ZG16B: variants seen among roughly 807,000 people sequenced by gnomAD.
ZG16B encodes pancreatic adenocarcinoma up-regulated factor.
ZG16B carries 8 observed loss-of-function variants against 7.0 expected under a neutral mutation model. The observed-to-expected ratio is 1.15, with a 90% CI of 0.68 to 2.08. ZG16B has a LOEUF of 2.08. ZG16B is among the 30% of genes most tolerant of loss of function. The pLI is 0.00. For synonymous variants in ZG16B, 92 were observed against 86.1 expected (o/e 1.07, Z -0.38); for missense variants, 232 against 211.0 (o/e 1.10, Z -0.62).
rs752826432 is a variant in ZG16B, at chr16:2,831,865, C to T, written c.225C>T (p.Val75=). The change falls in exon 4 of 4, where the codon GTC becomes GTT. Residue 75 remains valine (V), a synonymous_variant. Transcript: ENST00000382280. ...LGALGGNTQE[V]TLQPGEYITK... ...CCTTAGGTGGGAATACCCAGGAAGT[C>T]ACCCTGCAGCCAGGCGAATACATCA... The T allele has an allele frequency of 3.1e-6, 5 of 1,614,132 alleles. No homozygotes were observed. Among genetic ancestry groups the T allele is most frequent in the Non-Finnish European group, 3.4e-6 (4 of 1,180,024 alleles).
chr16:2,830,767 G>A lies in ZG16B; in HGVS notation c.126G>A (p.Arg42=). The change falls in exon 3 of 4, where the codon CGG becomes CGA. Residue 42 remains arginine, a synonymous_variant. Transcript: ENST00000382280. ...ACGACCATGAAATCACAGGGCTGCGGGTGTCTGTAGGTCTTCTCCTGGTGA... is the reference window on the plus strand; with the variant it reads ...ACGACCATGAAATCACAGGGCTGCGAGTGTCTGTAGGTCTTCTCCTGGTGA... ...EDYDHEITGL[R]VSVGLLLVKS... 2 of 1,614,138 alleles carry A rather than the reference G, an allele frequency of 1.2e-6. No homozygotes were observed. The highest frequency in any genetic ancestry group is 1.7e-6 in the Non-Finnish European group (2 of 1,180,024).
At chr16:2,830,910 T>A in intron 3 of ZG16B, 114 bp downstream of exon 3, 1 of 1,032,162 alleles carries the variant, frequency 9.7e-7, no homozygotes, top group Non-Finnish European at 1.5e-6. Context: ...CATGCCTGGC[T>A]ACTGTCGATG....
In ZG16B at chr16:2,830,338, T is replaced by C. The variant is rs767676321; in HGVS notation, c.-28+10T>C. ...CCCAGTCACAGGCGAGGTAAGGTGC[T>C]TGGCTCCATGGGTGGGGCCCGGCAA... On this transcript the variant is annotated intron_variant, in intron 1 of 3. Transcript: ENST00000382280. The C allele has an allele frequency of 2.5e-6, 4 of 1,612,698 alleles. No individual in the cohort carries two copies. The East Asian group carries it at 8.9e-5, about 36-fold the overall frequency.
rs2069249962 is a variant in ZG16B at position 2,830,764 on chromosome 16, G to A, written c.123G>A (p.Leu41=). The change falls in exon 3 of 4, where the codon CTG becomes CTA. Residue 41 remains leucine (L), a synonymous_variant. Transcript: ENST00000382280. ...TEDYDHEITG[L]RVSVGLLLVK... ...ACTACGACCATGAAATCACAGGGCT[G>A]CGGGTGTCTGTAGGTCTTCTCCTGG... 6.2e-7 allele frequency: 1 copy of A among 1,614,066 alleles called. No homozygotes were observed. Among genetic ancestry groups the A allele is most frequent in the African/African-American group, 1.3e-5 (1 of 74,918 alleles).
rs1337100734 is a variant in ZG16B at position 2,831,867 on chromosome 16, C to A, written c.227C>A (p.Thr76Asn). The change falls in exon 4 of 4, where the codon ACC becomes AAC. Residue 76 changes from threonine to asparagine, a missense_variant. Coordinates refer to ENST00000382280, the MANE Select transcript of ZG16B (RefSeq NM_145252.3). ...GALGGNTQEVTLQPGEYITKV... is the reference protein window; with the variant it reads ...GALGGNTQEVNLQPGEYITKV... ...TTAGGTGGGAATACCCAGGAAGTCA[C>A]CCTGCAGCCAGGCGAATACATCACA... 1.2e-6 allele frequency: 2 copies of A among 1,614,138 alleles called. No individual in the cohort carries two copies. Among genetic ancestry groups the A allele is most frequent in the South Asian group, 2.2e-5 (2 of 91,080 alleles).
chr16:2,830,656 T>G (rs1032514548), intron 2 of ZG16B, 38 bp from the exon 3 acceptor site: 6 of 1,612,592 alleles, frequency 3.7e-6, no homozygotes, highest in Admixed American at 1.7e-5. Context: ...TATCACCGCA[T>G]GGGGATTTTC....
intron 3 of ZG16B, 96 bp from the exon 4 acceptor site, chr16:2,831,698 ACT>A: frequency 2.0e-6 from 3 of 1,506,582 alleles, no homozygotes; most frequent in East Asian, 2.3e-5. Context: ...ATGGTGCTGG[ACT>A]CTCTGCATCC....
chr16:2,830,992 C>T lies in ZG16B; in HGVS notation c.155+196C>T. On this transcript the variant is annotated intron_variant, in intron 3 of 3. Transcript: ENST00000382280. ...GACCGTCCTCCCTACCTTCTCCCTT[C>T]AACCCAAGCTCAACTCAACCAAAAA... The T allele has an allele frequency of 5.2e-6, 3 of 574,968 alleles. No homozygotes were observed. The South Asian group carries it at 6.1e-5, about 12-fold the overall frequency. 35.6% of individuals were successfully genotyped at this position (574,968 alleles called of 1,614,324 possible). A position where few individuals can be genotyped will look rare whatever the true frequency, so the allele number is the denominator to read the frequency against.
chr16:2,830,973 C>T (rs1705478401), intron 3 of ZG16B, 177 bp downstream of exon 3: 2 of 614,508 alleles, frequency 3.3e-6, no homozygotes, highest in Admixed American at 2.9e-5. Context: ...GTCAGACCGT[C>T]CTCCCTACCT....
In ZG16B at chr16:2,832,193, C is replaced by A; in HGVS notation, c.*34C>A. On this transcript the variant is annotated 3_prime_UTR_variant, in exon 4 of 4. Transcript: ENST00000382280. ...ATGGGGCCATCCGAGCTGAGGCCAT[C>A]TGGGTGGTGGTGGCTGATGGTACTG... The A allele has an allele frequency of 6.3e-7, 1 of 1,594,030 alleles. No homozygotes were observed. Among genetic ancestry groups the A allele is most frequent in the Non-Finnish European group, 8.6e-7 (1 of 1,167,618 alleles).
rs1345206604 is a variant in ZG16B at position 2,830,809 on chromosome 16, A to G, written c.155+13A>G. 1.2e-6 allele frequency: 2 copies of G among 1,613,204 alleles called. No individual in the cohort carries two copies. Among genetic ancestry groups the G allele is most frequent in the Non-Finnish European group, 1.7e-6 (2 of 1,179,580 alleles). ...TCCTGGTGAAAAGGTGAGTAGGGCT[A>G]TGGTCATGGGCCCAGCGCCATGTCC... On this transcript the variant is annotated intron_variant, in intron 3 of 3. Transcript: ENST00000382280.
In ZG16B at chr16:2,830,502, G is replaced by T; in HGVS notation, c.52+9G>T. 1 of 1,596,038 alleles carries T rather than the reference G, an allele frequency of 6.3e-7. No individual in the cohort carries two copies. The highest frequency in any genetic ancestry group is 8.5e-7 in the Non-Finnish European group (1 of 1,171,410). ...CCCCACCTGGGCAGGGAGTAAGTCA[G>T]TGGGGTCTGCCCTCAATCTCCCCTG... On this transcript the variant is annotated intron_variant, in intron 2 of 3. Coordinates refer to ENST00000382280, the MANE Select transcript of ZG16B (RefSeq NM_145252.3).
intron 2 of ZG16B, 45 bp from the exon 3 acceptor site, chr16:2,830,649 C>T (rs770430466): frequency 1.2e-6 from 2 of 1,601,820 alleles, no homozygotes; most frequent in South Asian, 1.1e-5. Flanking sequence ...ACCCCCATAT[C>T]ACCGCATGGG....
In ZG16B at chr16:2,831,827, G is replaced by A. The variant is rs769445367; in HGVS notation, c.187G>A (p.Val63Met). 1.2e-5 allele frequency: 19 copies of A among 1,613,786 alleles called. No homozygotes were observed. In the African/African-American group the frequency reaches 1.5e-4, roughly 12 times the overall value. Residue 63 changes from valine (V) to methionine (M), a missense_variant, in exon 4 of 4, where the codon GTG (valine) becomes ATG (methionine). Physicochemically the swap from Val to Met is conservative, Grantham distance 21. Transcript: ENST00000382280. ...GGTGAAACTTGGAGACTCCTGGGAC[G>A]TGAAACTGGGAGCCTTAGGTGGGAA... ...VQVKLGDSWDVKLGALGGNTQ... is the reference protein window; with the variant it reads ...VQVKLGDSWDMKLGALGGNTQ...
rs2069246562 is a variant in ZG16B at position 2,830,486 on chromosome 16, G to C, written c.45G>C (p.Trp15Cys). ...TTGCCCTCCTGGGGGGCCCCACCTG[G>C]GCAGGGAGTAAGTCAGTGGGGTCTG... is the stretch of plus-strand genomic sequence containing the variant. Reference protein sequence around the residue: ...LTLALLGGPTWAGKMYGPGGG... With the variant: ...LTLALLGGPTCAGKMYGPGGG... Residue 15 changes from tryptophan (W) to cysteine (C), a missense_variant, in exon 2 of 4, where the codon TGG becomes TGC. Physicochemically the swap from Trp to Cys is radical, Grantham distance 215 (BLOSUM62 -2). Coordinates refer to ENST00000382280, the MANE Select transcript of ZG16B (RefSeq NM_145252.3). 4 of 1,597,600 alleles carry C rather than the reference G, an allele frequency of 2.5e-6. No homozygotes were observed. In the East Asian group the frequency reaches 9.1e-5, roughly 36 times the overall value.
intron 3 of ZG16B, 69 bp from the exon 4 acceptor site, chr16:2,831,727 G>T (rs1225007356): frequency 1.3e-6 from 2 of 1,542,970 alleles, no homozygotes; most frequent in Middle Eastern, 2.4e-4. Flanking sequence ...GGAGGATGGG[G>T]GCGCTGAGGA....
Position 2,830,565 on chromosome 16 carries a change from G to C in ZG16B, c.52+72G>C, listed in dbSNP as rs2069248335. 6 of 1,581,782 alleles carry C rather than the reference G, an allele frequency of 3.8e-6. No homozygotes were observed. The South Asian group carries it at 6.9e-5, about 18-fold the overall frequency. ...AGAGCCAGGGACTCACCCGGCCCTT[G>C]TCCCAGACTAACTCTGGTCACAGAA... On this transcript the variant is annotated intron_variant, in intron 2 of 3. Coordinates refer to ENST00000382280, the MANE Select transcript of ZG16B (RefSeq NM_145252.3).
In ZG16B at chr16:2,830,766, G is replaced by A; in HGVS notation, c.125G>A (p.Arg42Gln). The change falls in exon 3 of 4, where the codon CGG becomes CAG. Residue 42 changes from arginine (R) to glutamine (Q), a missense_variant. Physicochemically the swap from Arg to Gln is conservative, Grantham distance 43. Coordinates refer to ENST00000382280, the MANE Select transcript of ZG16B (RefSeq NM_145252.3). ...TACGACCATGAAATCACAGGGCTGC[G>A]GGTGTCTGTAGGTCTTCTCCTGGTG... ...EDYDHEITGLRVSVGLLLVKS... is the reference protein window; with the variant it reads ...EDYDHEITGLQVSVGLLLVKS... 6 of 1,614,144 alleles carry A rather than the reference G, an allele frequency of 3.7e-6. No homozygotes were observed. The highest frequency in any genetic ancestry group is 1.7e-4 in the Middle Eastern group (1 of 6,044).
At position 2,830,452 on chromosome 16, in the gene ZG16B, T is replaced by C; in HGVS notation, c.11T>C (p.Leu4Pro). Residue 4 changes from leucine to proline, a missense_variant, in exon 2 of 4, where the codon CTG (leucine) becomes CCG (proline). Coordinates refer to ENST00000382280, the MANE Select transcript of ZG16B (RefSeq NM_145252.3). MLL[L>P]LTLALLGGPT... ...CACCGGCCAGAGGCCATGCTGCTGC[T>C]GCTCACGCTTGCCCTCCTGGGGGGC... The C allele has an allele frequency of 1.2e-6, 2 of 1,603,104 alleles. No individual in the cohort carries two copies. Among genetic ancestry groups the C allele is most frequent in the Non-Finnish European group, 1.7e-6 (2 of 1,174,996 alleles).
Sources: gnomAD v4.1 joint callset for allele counts on GRCh38, gnomAD v4.1.1 for gene constraint, MANE v1.5 for transcripts, NCBI Gene and HGNC (gene_info 2026-07-23, HGNC 2026-07-21) for gene names.